IGF2: variants seen among roughly 807,000 people sequenced by gnomAD.
IGF2 encodes insulin-like growth factor 2.
A neutral mutation model predicts 12.0 loss-of-function variants in IGF2; 2 were observed. The ratio of observed to expected loss-of-function variants is 0.17; its 90% CI spans 0.07 to 0.52. The LOEUF is 0.52. Among genes scored for constraint, IGF2 ranks in the 20% least tolerant of loss-of-function variants. The probability of loss-of-function intolerance (pLI) is 0.95; values close to 1 mark genes in which losing one functional copy is unlikely to be tolerated. For synonymous variants in IGF2, 105 were observed against 110.1 expected, an observed-to-expected ratio of 0.95 and a Z score of 0.29; for missense variants, 211 against 268.0, an observed-to-expected ratio of 0.79 and a Z score of 1.48.
chr11:2,139,942 C>G (rs975716850), upstream of IGF2, among the ~76,000 whole-genome samples: 5 of 152,102 alleles, frequency 3.3e-5, no homozygotes, highest in African/African-American at 1.2e-4. Context: ...GAGCCGGCCA[C>G]GCGGCGCTTG....
Position 2,133,362 on chromosome 11 carries a change from C to T in IGF2, c.307-139G>A, listed in dbSNP as rs1038573564. 2.1e-5 allele frequency: 21 copies of T among 1,015,384 alleles called. No homozygotes were observed. The highest frequency in any genetic ancestry group is 3.0e-5 in the Non-Finnish European group (21 of 703,628). 62.9% of individuals were successfully genotyped at this position (1,015,384 alleles called of 1,614,324 possible). On this transcript the variant is annotated intron_variant, in intron 3 of 3. Transcript: ENST00000416167. The surrounding 1 kb of genome is among the most constrained non-coding windows in gnomAD (Gnocchi z 8.9). ...TCCACGGGCAGAGGGACAGAAGGAG[C>T]CAGCGTCTGAGCTGCTCCCGGGCCA...
intron 2 of IGF2, chr11:2,134,250 G>T: frequency 6.9e-6 from 3 of 434,986 alleles, no homozygotes; most frequent in South Asian, 1.7e-5. Context: ...AAGGTCGCTG[G>T]GGGCTCCACC....
chr11:2,141,435 T>C (rs577298891), upstream of IGF2, among the ~76,000 whole-genome samples: 1 of 152,262 alleles, frequency 6.6e-6, no homozygotes, highest in Admixed American at 6.5e-5. Context: ...GAGAAGTTGC[T>C]CCATGCAATT....
rs575667124 is a variant in IGF2 at position 2,129,502 on chromosome 11, C to T, written c.*3485G>A. 2.6e-5 allele frequency: 6 copies of T among 228,114 alleles called. No individual in the cohort carries two copies. Among genetic ancestry groups the T allele is most frequent in the Admixed American group, 5.7e-5 (1 of 17,610 alleles). 14.1% of individuals were successfully genotyped at this position (228,114 alleles called of 1,614,324 possible). Reference sequence around the variant, plus strand: ...GTGCCCCCGGGAACACCCACTCCGGCGAGGCAGAATATAACACTGGGTGGG... The same window carrying T: ...GTGCCCCCGGGAACACCCACTCCGGTGAGGCAGAATATAACACTGGGTGGG... On this transcript the variant is annotated 3_prime_UTR_variant, in exon 4 of 4. Coordinates refer to ENST00000416167, the MANE Select transcript of IGF2 (RefSeq NM_000612.6). This position sits in a 1 kb window ranked among gnomAD's most constrained non-coding sequence, Gnocchi z 8.1.
At chr11:2,140,727 C>T (rs774564883), upstream of IGF2, 1 of 393,600 alleles carries the variant, frequency 2.5e-6, no homozygotes, top group South Asian at 1.8e-5. Flanking sequence ...AGCCGTGTCC[C>T]GCGCCCCACG....
upstream of IGF2, chr11:2,140,570 T>G: frequency 2.1e-6 from 1 of 487,340 alleles, no homozygotes. Context: ...CTCCTCCGCG[T>G]CCCTCGCCCC....
chr11:2,133,727 G>A lies in IGF2; in HGVS notation c.158-62C>T. ...ACCGCACTGACCCCAGCCCCCGGAG[G>A]CTGAAGGGGGAGCAAACCACCCCTG... is the stretch of plus-strand genomic sequence containing the variant. On this transcript the variant is annotated intron_variant, in intron 2 of 3. Coordinates refer to ENST00000416167, the MANE Select transcript of IGF2 (RefSeq NM_000612.6). The surrounding 1 kb of genome is among the most constrained non-coding windows in gnomAD (Gnocchi z 8.9). 6.3e-7 allele frequency: 1 copy of A among 1,589,174 alleles called. No homozygotes were observed. Among genetic ancestry groups the A allele is most frequent in the South Asian group, 1.1e-5 (1 of 88,358 alleles).
chr11:2,130,688 G>A lies in IGF2; in HGVS notation c.*2299C>T. 4.9e-6 allele frequency: 1 copy of A among 204,066 alleles called. No homozygotes were observed. Among genetic ancestry groups the A allele is most frequent in the Non-Finnish European group, 1.0e-5 (1 of 99,870 alleles). The allele number at this position is 204,066 out of a possible 1,614,324, so 12.6% of individuals were successfully genotyped here. A position where few individuals can be genotyped will look rare whatever the true frequency, so the allele number is the denominator to read the frequency against. On this transcript the variant is annotated 3_prime_UTR_variant, in exon 4 of 4. Coordinates refer to ENST00000416167, the MANE Select transcript of IGF2 (RefSeq NM_000612.6). ...GTTCCTAATTTCTCTATGTAATTCT[G>A]CAAGTCTGCTGTCAATCCTCCTGAC...
chr11:2,143,391 C>G (rs6578988), upstream of IGF2, among the ~76,000 whole-genome samples: 150,225 of 150,228 alleles, frequency 1, 75,111 homozygotes, highest in Middle Eastern at 1. Flanking sequence ...GGACGTGTGC[C>G]GGAAACAGTA....
At chr11:2,149,503 C>A in the IGF2 span, 1 of 697,496 alleles carries the variant, frequency 1.4e-6, no homozygotes, top group East Asian at 2.7e-5. Flanking sequence ...TTCCCTGAGC[C>A]CCTCCGAATT....
In IGF2 at chr11:2,131,034, C is replaced by A. The variant is rs1858508812; in HGVS notation, c.*1953G>T. On this transcript the variant is annotated 3_prime_UTR_variant, in exon 4 of 4. Coordinates refer to ENST00000416167, the MANE Select transcript of IGF2 (RefSeq NM_000612.6). ...TCCTTCCTCACTCTGGCTGGGCCAA[C>A]ACACAGTAAGTAAGGTGTATCGGGA... The A allele has an allele frequency of 4.3e-6, 1 of 231,040 alleles. No individual in the cohort carries two copies. The highest frequency in any genetic ancestry group is 8.6e-6 in the Non-Finnish European group (1 of 116,702). The allele number at this position is 231,040 out of a possible 1,614,324, so 14.3% of individuals were successfully genotyped here. A position where few individuals can be genotyped will look rare whatever the true frequency, so the allele number is the denominator to read the frequency against.
At chr11:2,135,734 C>T (rs759114860) in intron 1 of IGF2, among the ~76,000 whole-genome samples, 3 of 152,200 alleles carry the variant, frequency 2.0e-5, no homozygotes, top group Non-Finnish European at 4.4e-5. Flanking sequence ...CAGAATGAAG[C>T]GTCCAGAAGC....
chr11:2,136,335 A>G (rs1219696826), intron 1 of IGF2, among the ~76,000 whole-genome samples: 1 of 152,168 alleles, frequency 6.6e-6, no homozygotes, highest in Non-Finnish European at 1.5e-5. Flanking sequence ...CCTCCAGAAC[A>G]TCTCCCTATT....
Position 2,133,538 on chromosome 11 carries a change from C to G in IGF2, c.285G>C (p.Ser95=). 2 of 1,612,452 alleles carry G rather than the reference C, an allele frequency of 1.2e-6. No individual in the cohort carries two copies. The highest frequency in any genetic ancestry group is 1.7e-6 in the Non-Finnish European group (2 of 1,179,670). Residue 95 remains serine (S), a synonymous_variant, in exon 3 of 4, where the codon TCG becomes TCC. Transcript: ENST00000416167. This position sits in a 1 kb window ranked among gnomAD's most constrained non-coding sequence, Gnocchi z 8.9. ...ATPAKSERDV[S]TPPTVLPDNF... ...TCACCGGAAGCACGGTCGGAGGGGT[C>G]GACACGTCCCTCTCGGACTTGGCGG...
At position 2,138,775 on chromosome 11, in the gene IGF2, AGCGGGG is replaced by A; in HGVS notation, c.-559_-554del. The A allele has an allele frequency of 1.1e-6, 1 of 911,836 alleles. No homozygotes were observed. The highest frequency in any genetic ancestry group is 1.3e-6 in the Non-Finnish European group (1 of 781,756). 56.5% of individuals were successfully genotyped at this position (911,836 alleles called of 1,614,324 possible). ...GCGAAGGGAAGGTTGCGGGAGAAAG[AGCGGGG>A]GCCGGGGCCAGACGCCAAGAGGGGC... On this transcript the variant is annotated 5_prime_UTR_variant, in exon 1 of 4. Transcript: ENST00000416167.
upstream of IGF2, among the ~76,000 whole-genome samples, chr11:2,142,371 T>A (rs564748876): frequency 6.6e-6 from 1 of 152,244 alleles, no homozygotes; most frequent in South Asian, 2.1e-4. The surrounding 1 kb of genome is among the most constrained non-coding windows in gnomAD (Gnocchi z 5.7). Flanking sequence ...GGGGTCCATA[T>A]GTACATTTTA....
intron 1 of IGF2, chr11:2,137,186 A>AC: frequency 1.0e-6 from 1 of 980,866 alleles, no homozygotes; most frequent in Non-Finnish European, 1.2e-6. Context: ...AGCCCTGGTT[A>AC]CCTACAGCTC....
rs1859322523 is a variant in IGF2 at position 2,138,980 on chromosome 11, G to A, written c.-758C>T. The A allele has an allele frequency of 1.0e-6, 1 of 981,022 alleles. No homozygotes were observed. Among genetic ancestry groups the A allele is most frequent in the Non-Finnish European group, 1.2e-6 (1 of 826,992 alleles). The allele number at this position is 981,022 out of a possible 1,614,324, so 60.8% of individuals were successfully genotyped here. A position where few individuals can be genotyped will look rare whatever the true frequency, so the allele number is the denominator to read the frequency against. On this transcript the variant is annotated 5_prime_UTR_variant, in exon 1 of 4. Transcript: ENST00000416167. ...CCTCGGGAGGGGGACAGGCGGTGGC[G>A]GCACCGGGGCCGCTCCGGGACGCAG...
upstream of IGF2, among the ~76,000 whole-genome samples, chr11:2,144,358 C>T (rs1590137472): frequency 6.7e-6 from 1 of 150,348 alleles, no homozygotes; most frequent in Non-Finnish European, 1.5e-5. Flanking sequence ...CAGGCTAGTC[C>T]CCGGCTTGGC....
Sources: allele counts gnomAD v4.1 joint callset (sites outside exome capture counted in the v4.1 genomes callset), GRCh38; gene constraint gnomAD v4.1.1; non-coding constraint Gnocchi (gnomAD v3.1); transcripts MANE v1.5; gene names NCBI Gene and HGNC (gene_info 2026-07-23, HGNC 2026-07-21).